The following PCDH11X variants were observed in gnomAD, a reference collection of about 807,000 sequenced individuals.
The protein encoded by PCDH11X is protocadherin 11 X-linked, also known as protocadherin-11 X-linked.
PCDH11X carries 18 observed loss-of-function variants against 53.3 expected under a neutral mutation model. That is an observed-to-expected ratio of 0.34 (90% CI 0.23 to 0.50). PCDH11X has a LOEUF of 0.50. Among genes scored for constraint, PCDH11X ranks in the 20% least tolerant of loss-of-function variants. The pLI, the probability that PCDH11X is intolerant of heterozygous loss-of-function variation, is 0.98. For missense variants in PCDH11X, 570 were observed against 1,032.4 expected (o/e 0.55, Z 6.14); for synonymous variants, 279 against 393.3 (o/e 0.71, Z 3.44).
intron 6 of PCDH11X, among the ~76,000 whole-genome samples, chrX:92,159,984 TATC>T: frequency 9.1e-6 from 1 of 109,995 alleles, no homozygotes; most frequent in South Asian, 4.0e-4. Context: ...ATAAGGCACT[TATC>T]ATGAGACTCC....
At chrX:91,851,927 T>C (rs1433131992) in intron 5 of PCDH11X, among the ~76,000 whole-genome samples, 4 of 111,290 alleles carry the variant, frequency 3.6e-5, no homozygotes, top group Non-Finnish European at 7.5e-5. Flanking sequence ...TTTCATGTTT[T>C]TCTAGGATAG....
At chrX:92,482,506 T>C (rs1353655948) in intron 10 of PCDH11X, among the ~76,000 whole-genome samples, 1 of 111,839 alleles carries the variant, frequency 8.9e-6, no homozygotes, top group African/African-American at 3.2e-5. Context: ...ATAATTTTTT[T>C]ACGAGTTTAT....
chrX:91,893,643 T>C (rs1169871426), intron 6 of PCDH11X, among the ~76,000 whole-genome samples: 2 of 111,052 alleles, frequency 1.8e-5, no homozygotes, highest in Non-Finnish European at 3.8e-5. Flanking sequence ...TGAGATGAAA[T>C]GTTCACCCCA....
At chrX:92,166,082 G>A (rs1178702832) in intron 6 of PCDH11X, among the ~76,000 whole-genome samples, 1 of 110,873 alleles carries the variant, frequency 9.0e-6, no homozygotes, top group African/African-American at 3.3e-5. Flanking sequence ...TATACATATA[G>A]TGAAATATAG....
chrX:92,298,014 T>G lies in PCDH11X; in HGVS notation c.3144+34871T>G, dbSNP rs2148465905. On this transcript the variant is annotated intron_variant, in intron 8 of 10. Coordinates refer to ENST00000682573, the MANE Select transcript of PCDH11X (RefSeq NM_032968.5). ...TGATTTTGTATCCTGAAACTTTGCT[T>G]AAGTTGTTTATCAGATCAAGGAGCT... 1.8e-5 allele frequency among the ~76,000 whole-genome samples: 2 copies of G among 110,841 alleles called. 1 individual carries two copies. Among genetic ancestry groups the G allele is most frequent in the South Asian group, 7.7e-4 (2 of 2,595 alleles).
chrX:92,006,205 C>G (rs2062597281), intron 6 of PCDH11X, among the ~76,000 whole-genome samples: 3 of 110,397 alleles, frequency 2.7e-5, no homozygotes, highest in Middle Eastern at 4.7e-3. Flanking sequence ...CTACTCCTAT[C>G]TCTTTCTCTA....
At chrX:92,445,156 T>C (rs1439718651) in intron 9 of PCDH11X, among the ~76,000 whole-genome samples, 1 of 102,835 alleles carries the variant, frequency 9.7e-6, no homozygotes, top group Non-Finnish European at 2.0e-5. Flanking sequence ...TTTGTACTTC[T>C]GGTAGAATTG....
chrX:91,941,831 G>T (rs1487601889), intron 6 of PCDH11X, among the ~76,000 whole-genome samples: 2 of 110,959 alleles, frequency 1.8e-5, no homozygotes, highest in Non-Finnish European at 3.8e-5. Flanking sequence ...AAATTTAAAA[G>T]AATTCATGTT....
chrX:92,305,828 T>C (rs1178159311), intron 8 of PCDH11X, among the ~76,000 whole-genome samples: 3 of 110,239 alleles, frequency 2.7e-5, no homozygotes, highest in Non-Finnish European at 5.7e-5. Flanking sequence ...CTTACTATTT[T>C]GCTGCACTTA....
intron 4 of PCDH11X, among the ~76,000 whole-genome samples, chrX:91,824,289 C>T (rs995241935): frequency 3.6e-5 from 4 of 110,744 alleles, no homozygotes; most frequent in Non-Finnish European, 7.6e-5. Context: ...TGGTTCCATT[C>T]TCCCCATCAC....
chrX:92,077,745 G>A (rs1188847421), intron 6 of PCDH11X, among the ~76,000 whole-genome samples: 3 of 110,673 alleles, frequency 2.7e-5, no homozygotes, highest in Non-Finnish European at 5.7e-5. Context: ...CTAAAAGTAA[G>A]AAACATATAG....
chrX:92,375,167 T>TATATATATGTATATA (rs1491474868), intron 8 of PCDH11X, among the ~76,000 whole-genome samples: 1 of 7,373 alleles, frequency 1.4e-4, no homozygotes, highest in Non-Finnish European at 2.1e-4. Context: ...TATATATATA[T>TATATATATGTATATA]TTTTTTTTTT....
At chrX:91,963,915 T>A (rs1307469814) in intron 6 of PCDH11X, among the ~76,000 whole-genome samples, 1 of 109,856 alleles carries the variant, frequency 9.1e-6, no homozygotes, top group Admixed American at 9.7e-5. Flanking sequence ...TCAGATCTTG[T>A]GAGAACTCAC....
chrX:92,052,798 C>T (rs1300405714), intron 6 of PCDH11X, among the ~76,000 whole-genome samples: 2 of 103,972 alleles, frequency 1.9e-5, no homozygotes, highest in African/African-American at 7.0e-5. Context: ...ATAGCACTTT[C>T]CCTAGAATTC....
At chrX:91,821,575 T>A (rs1287156727) in intron 4 of PCDH11X, among the ~76,000 whole-genome samples, 1 of 107,730 alleles carries the variant, frequency 9.3e-6, no homozygotes, top group Non-Finnish European at 1.9e-5. Flanking sequence ...GATTTTGGGC[T>A]GAGACAATGG....
chrX:92,270,658 G>T (rs1032776647), intron 8 of PCDH11X, among the ~76,000 whole-genome samples: 1 of 111,670 alleles, frequency 9.0e-6, no homozygotes, highest in Non-Finnish European at 1.9e-5. Context: ...GGAGGATACG[G>T]TCTCATTATG....
chrX:92,403,607 GTTC>G (rs1234471238), intron 9 of PCDH11X, among the ~76,000 whole-genome samples: 1 of 110,328 alleles, frequency 9.1e-6, no homozygotes, highest in Non-Finnish European at 1.9e-5. Flanking sequence ...TTCAAATAAA[GTTC>G]TTCTTTCAGC....
At chrX:92,073,568 A>T (rs1179067187) in intron 6 of PCDH11X, among the ~76,000 whole-genome samples, 1 of 112,584 alleles carries the variant, frequency 8.9e-6, no homozygotes, top group Admixed American at 9.4e-5. Flanking sequence ...TACCTAATTT[A>T]TATTCTCTAA....
chrX:92,572,617 C>T (rs1388704642), intron 10 of PCDH11X, among the ~76,000 whole-genome samples: 1 of 109,248 alleles, frequency 9.2e-6, no homozygotes, highest in South Asian at 3.9e-4. Flanking sequence ...GGCGCAGTGG[C>T]TCAGACCTGT....
Sources: gnomAD v4.1 joint callset for allele counts (sites outside exome capture counted in the v4.1 genomes callset) on GRCh38, gnomAD v4.1.1 for gene constraint, MANE v1.5 for transcripts, NCBI Gene and HGNC (gene_info 2026-07-23, HGNC 2026-07-21) for gene names.